Variants in SPATA31A6 observed in about 807,000 individuals in gnomAD.
The protein encoded by SPATA31A6 is spermatogenesis-associated protein 31A6.
SPATA31A6 carries 9 observed loss-of-function variants against 11.9 expected under a neutral mutation model. That is an observed-to-expected ratio of 0.76 (90% CI 0.46 to 1.32). The LOEUF (loss-of-function observed/expected upper bound fraction) is 1.32. SPATA31A6 is among the 40% of genes most tolerant of loss of function. The pLI is 0.00. For synonymous variants in SPATA31A6, 314 were observed against 572.1 expected (o/e 0.55, Z 6.44); for missense variants, 855 against 1,467.3 (o/e 0.58, Z 6.82).
At position 42,189,245 on chromosome 9, in the gene SPATA31A6, C is replaced by T; in HGVS notation, c.3543C>T (p.Val1181=). 2.6e-6 allele frequency: 4 copies of T among 1,552,950 alleles called. No homozygotes were observed. Among genetic ancestry groups the T allele is most frequent in the Non-Finnish European group, 3.5e-6 (4 of 1,144,874 alleles). The change falls in exon 4 of 4, where the codon GTC becomes GTT. Residue 1181 remains valine (V), a synonymous_variant. Transcript: ENST00000332857. Reference sequence around the variant, plus strand: ...AGAAAAAAAGCAAGCCAGCACCAGTCACTGCTGAGAGCCAAAAAACAGTAA... The same window carrying T: ...AGAAAAAAAGCAAGCCAGCACCAGTTACTGCTGAGAGCCAAAAAACAGTAA... ...FSKKKSKPAP[V]TAESQKTVKN...
Position 42,189,380 on chromosome 9 carries a change from G to A in SPATA31A6, c.3678G>A (p.Ser1226=), listed in dbSNP as rs368369739. ...KMSLCHAHHA[S]KVNQHKQKFQ... is the part of the protein sequence containing the mutation. ...CACTTTGCCATGCGCACCATGCCTC[G>A]AAGGTAAATCAGCACAAACAGAAGT... is the stretch of plus-strand genomic sequence containing the variant. The change falls in exon 4 of 4, where the codon TCG becomes TCA. Residue 1226 remains serine (S), a synonymous_variant. Transcript: ENST00000332857. 110 of 1,543,806 alleles carry A rather than the reference G, an allele frequency of 7.1e-5. 23 individuals are homozygous for A. The highest frequency in any genetic ancestry group is 6.2e-4 in the African/African-American group (40 of 64,284).
rs1186354083 is a variant in SPATA31A6, at chr9:42,184,274, GCC to G, written c.189+402_189+403del. Among the ~76,000 whole-genome samples, 2 of 131,570 alleles carry G rather than the reference GCC, an allele frequency of 1.5e-5. 1 individual carries two copies. Among genetic ancestry groups the G allele is most frequent in the East Asian group, 4.9e-4 (2 of 4,106 alleles). 86.3% of individuals were successfully genotyped at this position (131,570 alleles called of 152,430 possible). On this transcript the variant is annotated intron_variant, in intron 1 of 3. Transcript: ENST00000332857. The stretch of plus-strand genomic sequence containing the variant: ...TGGGGTGATCTGGGGCCTGTGCTGG[GCC>G]CCCGAGGGCCTCCCACCAGGGCCTG...
Position 42,186,855 on chromosome 9 carries a change from A to G in SPATA31A6, c.1153A>G (p.Met385Val). Residue 385 changes from methionine to valine, a missense_variant, in exon 4 of 4, where the codon ATG becomes GTG. Met to Val is a conservative substitution (Grantham distance 21). Transcript: ENST00000332857. ...CACAAACCCAAAACCCTTCTGGAACATGGGAGAGAACTCGAAACAGCTGCC... is the reference window on the plus strand; with the variant it reads ...CACAAACCCAAAACCCTTCTGGAACGTGGGAGAGAACTCGAAACAGCTGCC... ...DTTNPKPFWN[M>V]GENSKQLPGP... 1 of 1,535,966 alleles carries G rather than the reference A, an allele frequency of 6.5e-7. No homozygotes were observed. Among genetic ancestry groups the G allele is most frequent in the Non-Finnish European group, 8.8e-7 (1 of 1,142,288 alleles).
In SPATA31A6 at chr9:42,183,851, C is replaced by A. The variant is rs1301493076; in HGVS notation, c.164C>A (p.Pro55His). The change falls in exon 1 of 4, where the codon CCC becomes CAC. Residue 55 changes from proline to histidine, a missense_variant. Transcript: ENST00000332857. Reference sequence around the variant, plus strand: ...TCTTACTTCCATTGTGATGACCCACCCTCACCATCGCCTGGGAAGAGAAAG... The same window carrying A: ...TCTTACTTCCATTGTGATGACCCACACTCACCATCGCCTGGGAAGAGAAAG... The part of the protein sequence containing the change: ...YLSYFHCDDP[P>H]SPSPGKRKCP... 1.4e-5 allele frequency: 21 copies of A among 1,532,362 alleles called. 4 individuals carry two copies. The highest frequency in any genetic ancestry group is 2.3e-4 in the Middle Eastern group (1 of 4,266). The allele number at this position is 1,532,362 out of a possible 1,614,324, so 94.9% of individuals were successfully genotyped here.
In SPATA31A6 at chr9:42,187,151, C is replaced by T; in HGVS notation, c.1449C>T (p.Pro483=). 10 of 1,542,974 alleles carry T rather than the reference C, an allele frequency of 6.5e-6. No homozygotes were observed. The highest frequency in any genetic ancestry group is 1.2e-5 in the South Asian group (1 of 86,472). The change falls in exon 4 of 4, where the codon CCC becomes CCT. Residue 483 remains proline, a synonymous_variant. Transcript: ENST00000332857. The part of the protein sequence containing the change: ...SHRQPFISST[P]QFLPTPMAQA... ...GCCAACCCTTTATTTCATCCACACC[C>T]CAATTCCTGCCCACACCTATGGCTC...
In SPATA31A6 at chr9:42,185,082, G is replaced by A. The variant is rs761259060; in HGVS notation, c.203G>A (p.Arg68Gln). 1.6e-5 allele frequency: 24 copies of A among 1,540,420 alleles called. 3 individuals carry two copies. The highest frequency in any genetic ancestry group is 1.8e-5 in the Non-Finnish European group (21 of 1,137,416). The change falls in exon 2 of 4, where the codon CGG becomes CAG. Residue 68 changes from arginine (R) to glutamine (Q), a missense_variant. Coordinates refer to ENST00000332857, the MANE Select transcript of SPATA31A6 (RefSeq NM_001145196.1). Reference sequence around the variant, plus strand: ...CATGTCTCCCAGTGTCCAGTAGGGCGGAGGCGGAGGCCCAGAGGCAGGATG... The same window carrying A: ...CATGTCTCCCAGTGTCCAGTAGGGCAGAGGCGGAGGCCCAGAGGCAGGATG... ...SPGKRKCPVG[R>Q]RRRPRGRMKN...
chr9:42,189,195 C>T lies in SPATA31A6; in HGVS notation c.3493C>T (p.Gln1165Ter). The change falls in exon 4 of 4, where the codon CAA becomes TAA. Residue 1165 changes from glutamine to a stop codon, truncating the protein, a stop_gained. Coordinates refer to ENST00000332857, the MANE Select transcript of SPATA31A6 (RefSeq NM_001145196.1). LOFTEE classifies it low-confidence loss of function (END_TRUNC). ...SVSHFGENIK[Q>*]FFQWIFSKKK... Reference sequence around the variant, plus strand: ...AAGCCACTTTGGAGAAAACATCAAGCAATTTTTTCAGTGGATTTTTTCAAA... The same window carrying T: ...AAGCCACTTTGGAGAAAACATCAAGTAATTTTTTCAGTGGATTTTTTCAAA... The T allele has an allele frequency of 2.6e-6, 4 of 1,542,364 alleles. No homozygotes were observed. The highest frequency in any genetic ancestry group is 3.5e-6 in the Non-Finnish European group (4 of 1,137,146).
In SPATA31A6 at chr9:42,189,307, C is replaced by T. The variant is rs1481420948; in HGVS notation, c.3605C>T (p.Ala1202Val). Residue 1202 changes from alanine to valine, a missense_variant, in exon 4 of 4, where the codon GCT becomes GTT. Ala to Val is a moderately conservative substitution (Grantham distance 64). Coordinates refer to ENST00000332857, the MANE Select transcript of SPATA31A6 (RefSeq NM_001145196.1). ...RSCVYSSSAE[A>V]QGLMTAVGQM... is the part of the protein sequence containing the mutation. Reference sequence around the variant, plus strand: ...TGTGTGTACAGCAGCAGTGCTGAAGCTCAGGGTCTCATGACGGCAGTTGGA... The same window carrying T: ...TGTGTGTACAGCAGCAGTGCTGAAGTTCAGGGTCTCATGACGGCAGTTGGA... 3.4e-5 allele frequency: 53 copies of T among 1,555,398 alleles called. 3 individuals are homozygous for T. The highest frequency in any genetic ancestry group is 1.7e-4 in the Middle Eastern group (1 of 5,738).
Position 42,187,038 on chromosome 9 carries a change from T to C in SPATA31A6, c.1336T>C (p.Leu446=), listed in dbSNP as rs753716018. 6.5e-6 allele frequency: 10 copies of C among 1,547,036 alleles called. 2 individuals are homozygous for C. The East Asian group carries it at 2.1e-4, about 33-fold the overall frequency. The change falls in exon 4 of 4, where the codon TTG becomes CTG. Residue 446 remains leucine, a synonymous_variant. Transcript: ENST00000332857. ...RSYTLQSPPF[L]FNEMSNVCPI... ...TTATACTTTACAGTCTCCTCCTTTC[T>C]TGTTCAATGAAATGTCCAATGTCTG... is the stretch of plus-strand genomic sequence containing the variant.
chr9:42,186,924 T>C lies in SPATA31A6; in HGVS notation c.1222T>C (p.Phe408Leu), dbSNP rs149345385. Residue 408 changes from phenylalanine (F) to leucine (L), a missense_variant, in exon 4 of 4, where the codon TTT becomes CTT. Transcript: ENST00000332857. Reference sequence around the variant, plus strand: ...AGATCCTAGGCTCTTGCAGGAAAGTTTTTGGAAGAATTATAGCCAGCTTTT... The same window carrying C: ...AGATCCTAGGCTCTTGCAGGAAAGTCTTTGGAAGAATTATAGCCAGCTTTT... ...CSDPRLLQES[F>L]WKNYSQLFWG... 8,168 of 1,540,360 alleles carry C rather than the reference T, an allele frequency of 5.3e-3. 656 individuals are homozygous for C. Among genetic ancestry groups the C allele is most frequent in the East Asian group, 0.042 (1,774 of 42,046 alleles).
At position 42,188,913 on chromosome 9, in the gene SPATA31A6, C is replaced by T. The variant is rs752001042; in HGVS notation, c.3211C>T (p.Leu1071Phe). 6 of 1,540,206 alleles carry T rather than the reference C, an allele frequency of 3.9e-6. No homozygotes were observed. Among genetic ancestry groups the T allele is most frequent in the East Asian group, 2.4e-5 (1 of 41,990 alleles). The change falls in exon 4 of 4, where the codon CTC (leucine) becomes TTC (phenylalanine). Residue 1071 changes from leucine (L) to phenylalanine (F), a missense_variant. By Grantham distance (22) the Leu-to-Phe change is conservative. Transcript: ENST00000332857. ...GCGGGCTTCCCAGGAGCTACATGAC[C>T]TCATGGCAGCCAGAAGGAGCAAACT... ...NMRASQELHD[L>F]MAARRSKLVQ...
In SPATA31A6 at chr9:42,185,668, G is replaced by A; in HGVS notation, c.248-27G>A. ...TGAGATCCCAGGCCCCTCCCTCACT[G>A]CCCTAACCCAGTCTCCTGATTTCCA... On this transcript the variant is annotated intron_variant, in intron 2 of 3. Coordinates refer to ENST00000332857, the MANE Select transcript of SPATA31A6 (RefSeq NM_001145196.1). 2.7e-6 allele frequency: 4 copies of A among 1,481,410 alleles called. 1 individual carries two copies. Among genetic ancestry groups the A allele is most frequent in the Non-Finnish European group, 9.2e-7 (1 of 1,090,174 alleles). 91.8% of individuals were successfully genotyped at this position (1,481,410 alleles called of 1,614,324 possible). A position where few individuals can be genotyped will look rare whatever the true frequency, so the allele number is the denominator to read the frequency against.
Position 42,184,193 on chromosome 9 carries a change from C to A in SPATA31A6, c.189+317C>A, listed in dbSNP as rs1385898122. On this transcript the variant is annotated intron_variant, in intron 1 of 3. Coordinates refer to ENST00000332857, the MANE Select transcript of SPATA31A6 (RefSeq NM_001145196.1). ...CTCTGTCCGAGACCAGGCCCTGAGC[C>A]CTGGCTCATCAGCCCCTTTCTGGGG... Among the ~76,000 whole-genome samples the A allele has an allele frequency of 3.6e-5, 5 of 137,672 alleles. 2 individuals are homozygous for A. The South Asian group carries it at 1.2e-3, about 32-fold the overall frequency. The allele number at this position is 137,672 out of a possible 152,430, so 90.3% of individuals were successfully genotyped here. A position where few individuals can be genotyped will look rare whatever the true frequency, so the allele number is the denominator to read the frequency against.
Position 42,189,376 on chromosome 9 carries a change from C to A in SPATA31A6, c.3674C>A (p.Ala1225Asp). 3 of 1,541,218 alleles carry A rather than the reference C, an allele frequency of 1.9e-6. 1 individual carries two copies. Among genetic ancestry groups the A allele is most frequent in the Non-Finnish European group, 2.6e-6 (3 of 1,137,620 alleles). ...ATGTCACTTTGCCATGCGCACCATG[C>A]CTCGAAGGTAAATCAGCACAAACAG... The part of the protein sequence containing the change: ...KKMSLCHAHH[A>D]SKVNQHKQKF... The change falls in exon 4 of 4, where the codon GCC becomes GAC. Residue 1225 changes from alanine to aspartate, a missense_variant. Physicochemically the swap from Ala to Asp is moderately radical, Grantham distance 126. Transcript: ENST00000332857.
Position 42,187,201 on chromosome 9 carries a change from A to G in SPATA31A6, c.1499A>G (p.Gln500Arg), listed in dbSNP as rs376643194. Residue 500 changes from glutamine to arginine, a missense_variant, in exon 4 of 4, where the codon CAG becomes CGG. Physicochemically the swap from Gln to Arg is conservative, Grantham distance 43 (BLOSUM62 1). Coordinates refer to ENST00000332857, the MANE Select transcript of SPATA31A6 (RefSeq NM_001145196.1). ...CAGGCCGAGGCTCAGGCCCATCTTC[A>G]GTCTTCTTTCCCAGTCCTATCTCCT... ...MAQAEAQAHL[Q>R]SSFPVLSPAF... The G allele has an allele frequency of 2.6e-6, 4 of 1,543,152 alleles. 2 individuals are homozygous for G. Among genetic ancestry groups the G allele is most frequent in the African/African-American group, 3.1e-5 (2 of 65,422 alleles).
At position 42,186,911 on chromosome 9, in the gene SPATA31A6, C is replaced by T. The variant is rs1829464652; in HGVS notation, c.1209C>T (p.Leu403=). Residue 403 remains leucine (L), a synonymous_variant, in exon 4 of 4, where the codon CTC becomes CTT. Transcript: ENST00000332857. The part of the protein sequence containing the change: ...PGPQKCSDPR[L]LQESFWKNYS... ...CTCAGAAGTGCTCAGATCCTAGGCT[C>T]TTGCAGGAAAGTTTTTGGAAGAATT... 1.9e-6 allele frequency: 3 copies of T among 1,539,776 alleles called. No homozygotes were observed. Among genetic ancestry groups the T allele is most frequent in the Middle Eastern group, 2.3e-4 (1 of 4,354 alleles).
intron 3 of SPATA31A6, 87 bp downstream of exon 3, chr9:42,185,842 T>A (rs375456513): frequency 4.1e-6 from 5 of 1,226,180 alleles, no homozygotes; most frequent in East Asian, 6.3e-5. Flanking sequence ...TGACCTGGGA[T>A]GGGGAGACCA....
At position 42,183,723 on chromosome 9, in the gene SPATA31A6, T is replaced by C; in HGVS notation, c.36T>C (p.Ser12=). 1.3e-6 allele frequency: 2 copies of C among 1,536,232 alleles called. No individual in the cohort carries two copies. The highest frequency in any genetic ancestry group is 1.8e-6 in the Non-Finnish European group (2 of 1,138,554). Residue 12 remains serine (S), a synonymous_variant, in exon 1 of 4, where the codon AGT becomes AGC. Coordinates refer to ENST00000332857, the MANE Select transcript of SPATA31A6 (RefSeq NM_001145196.1). ...TTCCCTTTCCTTTAAAATTACTTAG[T>C]GCCTCATCGCTAAACGCCCCCAGCT... ...ENLPFPLKLL[S]ASSLNAPSST...
In SPATA31A6 at chr9:42,187,078, A is replaced by G. The variant is rs769053692; in HGVS notation, c.1376A>G (p.Glu459Gly). ...TCCAATGTCTGCCCAATTCAAAGGG[A>G]GACTACAATGTCCCCACTGCTTTTC... ...EMSNVCPIQR[E>G]TTMSPLLFQA... Residue 459 changes from glutamate (E) to glycine (G), a missense_variant, in exon 4 of 4, where the codon GAG (glutamate) becomes GGG (glycine). Transcript: ENST00000332857. 8.9e-5 allele frequency: 138 copies of G among 1,544,434 alleles called. 21 individuals are homozygous for G. Among genetic ancestry groups the G allele is most frequent in the Non-Finnish European group, 1.1e-4 (123 of 1,139,250 alleles).
Sources: gnomAD v4.1 joint callset for allele counts (sites outside exome capture counted in the v4.1 genomes callset) on GRCh38, gnomAD v4.1.1 for gene constraint, MANE v1.5 for transcripts, NCBI Gene and HGNC (gene_info 2026-07-23, HGNC 2026-07-21) for gene names.